SYNE3: variants seen among roughly 807,000 people sequenced by gnomAD.
The protein encoded by SYNE3 is nesprin-3.
Under a neutral mutation model 111.2 loss-of-function variants are expected in SYNE3, and 100 were observed. The observed-to-expected ratio is 0.90, with a 90% CI of 0.77 to 1.06. SYNE3 has a LOEUF of 1.06. Among genes scored for constraint, SYNE3 ranks in the 50% least tolerant of loss-of-function variants. SYNE3 has a pLI of 0.00. For missense variants in SYNE3, 1,160 were observed against 1,240.3 expected (o/e 0.94, Z 0.97); for synonymous variants, 547 against 533.9 (o/e 1.02, Z -0.34).
chr14:95,427,997 A>G (rs774701292), intron 17 of SYNE3, among the ~76,000 whole-genome samples: 2 of 152,222 alleles, frequency 1.3e-5, no homozygotes, highest in Non-Finnish European at 2.9e-5. Flanking sequence ...AAAGTGCACC[A>G]TTATTTTACA....
rs754600496 is a variant in SYNE3, at chr14:95,417,869, G to T, written c.2885C>A (p.Ser962Tyr). Reference protein sequence around the residue: ...SCTLANNFARSFTLMLRYNGP... With the variant: ...SCTLANNFARYFTLMLRYNGP... ...ATTGTAGCGCAGCATGAGCGTGAAG[G>T]AGCGGGCGAAGTTGTTGGCCAGGGT... The change falls in exon 18 of 18, where the codon TCC (serine) becomes TAC (tyrosine). Residue 962 changes from serine to tyrosine, a missense_variant. Transcript: ENST00000682763. The T allele has an allele frequency of 1.6e-5, 26 of 1,614,238 alleles. No homozygotes were observed. The highest frequency in any genetic ancestry group is 1.7e-5 in the Non-Finnish European group (20 of 1,180,046).
chr14:95,510,721 G>A (rs1487403906), intron 1 of SYNE3, among the ~76,000 whole-genome samples: 1 of 152,172 alleles, frequency 6.6e-6, no homozygotes, highest in African/African-American at 2.4e-5. Context: ...CCGGGAGGCG[G>A]AGGTGGCAGT....
intron 1 of SYNE3, among the ~76,000 whole-genome samples, 175 bp downstream of exon 1, chr14:95,516,421 C>A (rs1368319366): frequency 1.3e-5 from 2 of 152,096 alleles, no homozygotes; most frequent in Non-Finnish European, 2.9e-5. Context: ...GCAGCTGTCA[C>A]GCCGGGGCCC....
chr14:95,457,134 CT>C, intron 5 of SYNE3, 42 bp downstream of exon 5: 1 of 384,778 alleles, frequency 2.6e-6, no homozygotes, highest in East Asian at 1.1e-4. Flanking sequence ...CCCTCTGTGA[CT>C]GTCCCTAGGG....
At chr14:95,450,840 C>T (rs1887031412) in intron 7 of SYNE3, 1 of 152,156 alleles carries the variant, frequency 6.6e-6, no homozygotes, top group East Asian at 1.9e-4. Context: ...ACACAGTGCT[C>T]CTCTCATATA....
rs375970247 is a variant in SYNE3, at chr14:95,443,186, G to A, written c.1880C>T (p.Ser627Phe). 2.0e-5 allele frequency: 33 copies of A among 1,614,092 alleles called. No homozygotes were observed. The highest frequency in any genetic ancestry group is 2.8e-5 in the Non-Finnish European group (33 of 1,179,970). Residue 627 changes from serine (S) to phenylalanine (F), a missense_variant, in exon 11 of 18, where the codon TCC (serine) becomes TTC (phenylalanine). Coordinates refer to ENST00000682763, the MANE Select transcript of SYNE3 (RefSeq NM_152592.6). ...AGACCTCTGCAGGGCCTGGAAGTCG[G>A]AGGAAAGCTGGTCCATTTTGTGCTG... ...NHQHKMDQLS[S>F]DFQALQRSLE...
chr14:95,460,446 C>T (rs186185786), intron 4 of SYNE3, among the ~76,000 whole-genome samples: 212 of 147,788 alleles, frequency 1.4e-3, no homozygotes, highest in African/African-American at 5.1e-3. Context: ...GTCTCGAACT[C>T]CTGACCTCAA....
intron 1 of SYNE3, chr14:95,516,133 C>G (rs935107559): frequency 6.6e-6 from 1 of 152,346 alleles, no homozygotes; most frequent in African/African-American, 2.4e-5. Flanking sequence ...CTCTTCGCCG[C>G]CTGCTCTGCT....
In SYNE3 at chr14:95,465,915, T is replaced by G; in HGVS notation, c.627+16A>C. On this transcript the variant is annotated intron_variant, in intron 4 of 17. Coordinates refer to ENST00000682763, the MANE Select transcript of SYNE3 (RefSeq NM_152592.6). ...ATGGGTGGGTGAGGATGTAGCCCAC[T>G]CAGCCTCACCCTCACCTGGGCCTTG... is the stretch of plus-strand genomic sequence containing the variant. 3 of 1,554,572 alleles carry G rather than the reference T, an allele frequency of 1.9e-6. No individual in the cohort carries two copies. Among genetic ancestry groups the G allele is most frequent in the Non-Finnish European group, 2.6e-6 (3 of 1,141,382 alleles).
intron 1 of SYNE3, among the ~76,000 whole-genome samples, chr14:95,502,868 G>T (rs1240795288): frequency 6.6e-6 from 1 of 152,160 alleles, no homozygotes. Flanking sequence ...CTTGTTTCTA[G>T]GTTTCTAAAG....
At position 95,453,717 on chromosome 14, in the gene SYNE3, G is replaced by A. The variant is rs114564653; in HGVS notation, c.1138-1334C>T. On this transcript the variant is annotated intron_variant, in intron 6 of 17. Transcript: ENST00000682763. Reference sequence around the variant, plus strand: ...GGAATTCAGCAGGAAGGGCAAGGGTGCAGAGGGTGAGCAAGACTGGGGGCT... The same window carrying A: ...GGAATTCAGCAGGAAGGGCAAGGGTACAGAGGGTGAGCAAGACTGGGGGCT... 7.3e-3 allele frequency among the ~76,000 whole-genome samples: 1,109 copies of A among 152,326 alleles called. 18 individuals are homozygous for A. The highest frequency in any genetic ancestry group is 0.026 in the African/African-American group (1,067 of 41,578).
At position 95,466,341 on chromosome 14, in the gene SYNE3, G is replaced by C. The variant is rs1888175485; in HGVS notation, c.318-101C>G. 1.4e-5 allele frequency: 19 copies of C among 1,379,774 alleles called. No homozygotes were observed. In the South Asian group the frequency reaches 2.5e-4, roughly 18 times the overall value. 85.5% of individuals were successfully genotyped at this position (1,379,774 alleles called of 1,614,324 possible). ...CCCTCCCCAATACTAGGGGGCTGTG[G>C]TCTGGGGGCATGATGATGCCCTTTC... On this transcript the variant is annotated intron_variant, in intron 3 of 17. Transcript: ENST00000682763.
At position 95,409,216 on chromosome 14, in the gene SYNE3, T is replaced by G; in HGVS notation, c.*8610A>C. 2.2e-6 allele frequency: 1 copy of G among 456,750 alleles called. No individual in the cohort carries two copies. Among genetic ancestry groups the G allele is most frequent in the South Asian group, 1.5e-5 (1 of 64,574 alleles). 28.3% of individuals were successfully genotyped at this position (456,750 alleles called of 1,614,324 possible). On this transcript the variant is annotated 3_prime_UTR_variant, in exon 18 of 18. Coordinates refer to ENST00000682763, the MANE Select transcript of SYNE3 (RefSeq NM_152592.6). ...AGTCCCAAATTTACCACTCCCCGCC[T>G]AGCTGGCTGCTCTGAGGCAGGCTGC...
chr14:95,513,771 A>ATATATATATC (rs1890809858), intron 1 of SYNE3, among the ~76,000 whole-genome samples: 1 of 137,850 alleles, frequency 7.3e-6, no homozygotes, highest in African/African-American at 2.7e-5. Context: ...ATATATATAT[A>ATATATATATC]TTCAGAATCC....
At chr14:95,506,025 T>C (rs913840698) in intron 1 of SYNE3, among the ~76,000 whole-genome samples, 2 of 152,152 alleles carry the variant, frequency 1.3e-5, no homozygotes, top group Non-Finnish European at 2.9e-5. Flanking sequence ...GCCCAGGTGG[T>C]TATGAGAAGG....
At chr14:95,479,465 G>A (rs1889097611) in intron 1 of SYNE3, among the ~76,000 whole-genome samples, 1 of 152,164 alleles carries the variant, frequency 6.6e-6, no homozygotes, top group Admixed American at 6.5e-5. Flanking sequence ...TGGGTGGAGG[G>A]CTTTCCATCC....
At chr14:95,436,345 G>T (rs1886084192) in intron 15 of SYNE3, among the ~76,000 whole-genome samples, 1 of 152,136 alleles carries the variant, frequency 6.6e-6, no homozygotes, top group Non-Finnish European at 1.5e-5. Context: ...TGTGCCACAG[G>T]AGTATACGAG....
At chr14:95,420,711 A>AACACACAC (rs1009627085) in intron 17 of SYNE3, among the ~76,000 whole-genome samples, 1 of 150,694 alleles carries the variant, frequency 6.6e-6, no homozygotes, top group Admixed American at 6.6e-5. Context: ...TGCTTAGGAA[A>AACACACAC]ACACACACAC....
intron 8 of SYNE3, 139 bp downstream of exon 8, chr14:95,449,792 T>G (rs1886948251): frequency 7.1e-7 from 1 of 1,412,230 alleles, no homozygotes; most frequent in Non-Finnish European, 9.4e-7. Context: ...GCACCAGGAC[T>G]CAGCAGACCG....
Sources: allele counts gnomAD v4.1 joint callset (sites outside exome capture counted in the v4.1 genomes callset), GRCh38; gene constraint gnomAD v4.1.1; transcripts MANE v1.5; gene names NCBI Gene and HGNC (gene_info 2026-07-23, HGNC 2026-07-21).